The following SEMA3A variants were observed in gnomAD, a reference collection of about 807,000 sequenced individuals.
The protein encoded by SEMA3A is semaphorin 3A, also known as semaphorin-3A.
A neutral mutation model predicts 97.9 loss-of-function variants in SEMA3A; 29 were observed. That is an observed-to-expected ratio of 0.30 (90% CI 0.22 to 0.40). SEMA3A has a LOEUF of 0.40. Ranked by LOEUF, SEMA3A falls within the 10% of genes least tolerant of loss-of-function variation. SEMA3A has a pLI of 1.00. For missense variants in SEMA3A, 763 were observed against 951.3 expected, an observed-to-expected ratio of 0.80 and a Z score of 2.60; for synonymous variants, 321 against 323.7, an observed-to-expected ratio of 0.99 and a Z score of 0.09.
intron 3 of SEMA3A, among the ~76,000 whole-genome samples, chr7:84,263,368 CA>C (rs1243867735): frequency 6.6e-6 from 1 of 151,874 alleles, no homozygotes; most frequent in Non-Finnish European, 1.5e-5. Flanking sequence ...TGCCTCAGAG[CA>C]AAAAAATCTG....
intron 10 of SEMA3A, 62 bp from the exon 11 acceptor site, chr7:84,005,620 T>C: frequency 8.7e-7 from 1 of 1,142,882 alleles, no homozygotes; most frequent in South Asian, 1.4e-5. Flanking sequence ...TTATAAATTA[T>C]ATAATAACAC....
intron 12 of SEMA3A, among the ~76,000 whole-genome samples, chr7:83,996,119 T>G (rs1688034903): frequency 6.6e-6 from 1 of 152,122 alleles, no homozygotes; most frequent in Admixed American, 6.6e-5. Context: ...TAAACCATCT[T>G]TGATTGTACT....
intron 3 of SEMA3A, among the ~76,000 whole-genome samples, chr7:84,221,724 T>G (rs1379151517): frequency 6.6e-6 from 1 of 152,038 alleles, no homozygotes; most frequent in Non-Finnish European, 1.5e-5. Flanking sequence ...AAGTTTTCTG[T>G]CTTACATAGG....
intron 3 of SEMA3A, among the ~76,000 whole-genome samples, chr7:84,283,838 T>A (rs1800515266): frequency 6.6e-6 from 1 of 152,186 alleles, no homozygotes; most frequent in African/African-American, 2.4e-5. Context: ...GTCAGAATTT[T>A]AAAAATGCCA....
chr7:84,181,622 C>T (rs893835165), intron 1 of SEMA3A, among the ~76,000 whole-genome samples: 10 of 152,072 alleles, frequency 6.6e-5, no homozygotes, highest in Non-Finnish European at 1.0e-4. Flanking sequence ...CTGTAATTTA[C>T]ATTTATTGGA....
At chr7:84,304,071 C>T (rs1373314803) in intron 3 of SEMA3A, among the ~76,000 whole-genome samples, 1 of 152,026 alleles carries the variant, frequency 6.6e-6, no homozygotes, top group Admixed American at 6.6e-5. Context: ...AGTAATATTG[C>T]CTGTCCCTTT....
At chr7:84,396,224 T>A (rs1803727747) in intron 1 of SEMA3A, among the ~76,000 whole-genome samples, 1 of 151,950 alleles carries the variant, frequency 6.6e-6, no homozygotes, top group East Asian at 1.9e-4. Flanking sequence ...AAATTGTGAA[T>A]ATAATATACA....
rs75713147 is a variant in SEMA3A, at chr7:84,435,425, T to C, written c.-246+57035A>G. On this transcript the variant is annotated intron_variant, in intron 1 of 3. Coordinates refer to the SEMA3A transcript ENST00000424555. The stretch of plus-strand genomic sequence containing the variant: ...GAGATCGAGACAATCCTGGCCAACA[T>C]GGTGAAACCCCGTCTCTACTAAAAA... Among the ~76,000 whole-genome samples, 1,027 of 152,180 alleles carry C rather than the reference T, an allele frequency of 6.7e-3. 63 individuals are homozygous for C. In the East Asian group the frequency reaches 0.15, roughly 22 times the overall value.
At chr7:84,107,131 C>T (rs1795132930) in intron 4 of SEMA3A, among the ~76,000 whole-genome samples, 1 of 152,064 alleles carries the variant, frequency 6.6e-6, no homozygotes, top group Non-Finnish European at 1.5e-5. Flanking sequence ...ATAATCCTGG[C>T]CTCTGTTTCG....
At chr7:84,220,186 A>G (rs904637901) in intron 3 of SEMA3A, among the ~76,000 whole-genome samples, 5 of 152,198 alleles carry the variant, frequency 3.3e-5, no homozygotes, top group African/African-American at 7.2e-5. Flanking sequence ...CTATTTTAAG[A>G]AACCACTTTC....
At chr7:84,423,177 A>G (rs2116285480) in intron 1 of SEMA3A, among the ~76,000 whole-genome samples, 1 of 152,210 alleles carries the variant, frequency 6.6e-6, no homozygotes, top group South Asian at 2.1e-4. Context: ...AATAAGTACA[A>G]TGTAAAAGAA....
intron 1 of SEMA3A, among the ~76,000 whole-genome samples, chr7:84,186,299 T>A (rs1449638920): frequency 6.6e-6 from 1 of 152,060 alleles, no homozygotes; most frequent in African/African-American, 2.4e-5. Context: ...AATCTATTCA[T>A]AAAGAAATCT....
chr7:83,979,928 A>C (rs1562951642), intron 14 of SEMA3A, among the ~76,000 whole-genome samples: 1 of 152,180 alleles, frequency 6.6e-6, no homozygotes, highest in Non-Finnish European at 1.5e-5. Context: ...GACATACCTC[A>C]TTAGCTATGA....
intron 1 of SEMA3A, among the ~76,000 whole-genome samples, chr7:84,443,424 T>C (rs1422714660): frequency 6.6e-6 from 1 of 152,172 alleles, no homozygotes; most frequent in African/African-American, 2.4e-5. Flanking sequence ...GAAGGTGCTG[T>C]GAATCTAACC....
intron 1 of SEMA3A, among the ~76,000 whole-genome samples, chr7:84,414,669 G>A (rs1171847118): frequency 6.6e-6 from 1 of 151,868 alleles, no homozygotes; most frequent in Non-Finnish European, 1.5e-5. Flanking sequence ...CACTCAGATG[G>A]TGGGACATTC....
intron 4 of SEMA3A, among the ~76,000 whole-genome samples, chr7:84,093,811 G>C (rs1324973934): frequency 6.6e-6 from 1 of 151,900 alleles, no homozygotes; most frequent in African/African-American, 2.4e-5. Context: ...TGGAAGGAGA[G>C]CATCAGGAAA....
At chr7:83,998,841 G>A (rs1334811574) in intron 12 of SEMA3A, among the ~76,000 whole-genome samples, 1 of 151,858 alleles carries the variant, frequency 6.6e-6, no homozygotes, top group East Asian at 1.9e-4. Flanking sequence ...ACATACACTA[G>A]CCTAGGCCTA....
chr7:84,177,114 G>T (rs893415949), intron 1 of SEMA3A, among the ~76,000 whole-genome samples: 1 of 152,074 alleles, frequency 6.6e-6, no homozygotes, highest in Non-Finnish European at 1.5e-5. Context: ...GCATCTACAA[G>T]AATCACTTAA....
intron 3 of SEMA3A, among the ~76,000 whole-genome samples, chr7:84,225,921 G>A (rs1422608461): frequency 5.3e-5 from 8 of 152,028 alleles, no homozygotes; most frequent in Admixed American, 5.3e-4. Flanking sequence ...AAACAGTTGT[G>A]GATGCCAAGT....
Sources: gnomAD v4.1 joint callset for allele counts (sites outside exome capture counted in the v4.1 genomes callset) on GRCh38, gnomAD v4.1.1 for gene constraint, MANE v1.5 for transcripts, NCBI Gene and HGNC (gene_info 2026-07-23, HGNC 2026-07-21) for gene names.